The following ALDOA variants were observed in gnomAD, a reference collection of about 807,000 sequenced individuals.
ALDOA encodes the protein fructose-bisphosphate aldolase A.
A neutral mutation model predicts 43.9 loss-of-function variants in ALDOA; 26 were observed. The observed-to-expected ratio is 0.59, with a 90% confidence interval of 0.43 to 0.82. The LOEUF (loss-of-function observed/expected upper bound fraction) is 0.82, where lower values mean the gene tolerates loss of function less well. ALDOA is among the 40% of genes least tolerant of loss of function. ALDOA has a pLI of 0.00. For synonymous variants in ALDOA, 258 were observed against 222.6 expected (o/e 1.16, Z -1.42); for missense variants, 498 against 549.5 (o/e 0.91, Z 0.94).
intron 1 of ALDOA, among the ~76,000 whole-genome samples, chr16:30,066,530 C>T (rs1192876505): frequency 6.6e-6 from 1 of 152,228 alleles, no homozygotes; most frequent in Non-Finnish European, 1.5e-5. Flanking sequence ...TTCCTCGCCT[C>T]GGGCTAGGGC....
At chr16:30,068,285 C>T (rs919110069) in intron 4 of ALDOA, 14 of 352,514 alleles carry the variant, frequency 4.0e-5, no homozygotes, top group African/African-American at 2.4e-4. Context: ...AGGATGGTCT[C>T]GATCTCCTGA....
upstream of ALDOA, among the ~76,000 whole-genome samples, chr16:30,065,145 G>A (rs1474568600): frequency 6.6e-6 from 1 of 152,234 alleles, no homozygotes; most frequent in Non-Finnish European, 1.5e-5. Flanking sequence ...GGATGGGGAG[G>A]TCTCGCCTCC....
In ALDOA at chr16:30,070,339, G is replaced by T. The variant is rs1395638761; in HGVS notation, c.*127G>T. The T allele has an allele frequency of 1.2e-6, 1 of 833,450 alleles. No individual in the cohort carries two copies. Among genetic ancestry groups the T allele is most frequent in the Non-Finnish European group, 2.0e-6 (1 of 498,846 alleles). 51.6% of individuals were successfully genotyped at this position (833,450 alleles called of 1,614,324 possible). A position where few individuals can be genotyped will look rare whatever the true frequency, so the allele number is the denominator to read the frequency against. ...CTCTTTCTTCCCTCGTGACAGTGGT[G>T]TGTGGTGTCGTCTGTGAATGCTAAG... On this transcript the variant is annotated 3_prime_UTR_variant, in exon 10 of 10. Coordinates refer to ENST00000642816, the MANE Select transcript of ALDOA (RefSeq NM_001243177.4).
In ALDOA at chr16:30,069,448, C is replaced by A. The variant is rs189419268; in HGVS notation, c.787-51C>A. 4.0e-4 allele frequency: 641 copies of A among 1,613,972 alleles called. 2 individuals carry two copies. In the African/African-American group the frequency reaches 7.4e-3, roughly 19 times the overall value. On this transcript the variant is annotated intron_variant, in intron 7 of 9. Coordinates refer to ENST00000642816, the MANE Select transcript of ALDOA (RefSeq NM_001243177.4). ...GCTGGCCGGGGACCCTGGGGCTAACCCCTATCCTCTCCTCCACCCCACTAC... is the reference window on the plus strand; with the variant it reads ...GCTGGCCGGGGACCCTGGGGCTAACACCTATCCTCTCCTCCACCCCACTAC...
chr16:30,064,588 G>A (rs114148986), upstream of ALDOA: 510 of 398,456 alleles, frequency 1.3e-3, 2 homozygotes, highest in African/African-American at 9.1e-3. Flanking sequence ...CCCCACGATA[G>A]TGTGAATGTC....
upstream of ALDOA, among the ~76,000 whole-genome samples, chr16:30,065,380 GGC>G (rs1054572442): frequency 6.6e-6 from 1 of 152,082 alleles, no homozygotes; most frequent in Non-Finnish European, 1.5e-5. Flanking sequence ...GCGCGCGCTG[GGC>G]CTGGGAGGCG....
intron 4 of ALDOA, chr16:30,068,062 ATTTTT>A (rs71143773): frequency 2.0e-4 from 35 of 176,810 alleles, no homozygotes; most frequent in East Asian, 7.8e-4. Flanking sequence ...TTTTAAGTAA[ATTTTT>A]TTTTTTTTTT....
At chr16:30,064,765 C>T (rs536199484), upstream of ALDOA, 29 of 291,168 alleles carry the variant, frequency 1.0e-4, no homozygotes, top group African/African-American at 6.1e-4. Flanking sequence ...GCTCTGCCGG[C>T]TCCTTCGGCC....
chr16:30,066,832 C>A, intron 1 of ALDOA, 53 bp from the exon 2 acceptor site: 2 of 1,518,418 alleles, frequency 1.3e-6, no homozygotes, highest in Non-Finnish European at 1.8e-6. Context: ...GGGCCCTCTG[C>A]TTGATTCACG....
chr16:30,064,578 C>T, upstream of ALDOA: 1 of 398,592 alleles, frequency 2.5e-6, no homozygotes, highest in Non-Finnish European at 4.4e-6. Context: ...CCATGCCGGG[C>T]CCCACGATAG....
At position 30,067,213 on chromosome 16, in the gene ALDOA, C is replaced by T. The variant is rs1033625708; in HGVS notation, c.142-21C>T. ...GGAAACCCTAGCTAACTAGTCCTTC[C>T]CCTCTGTTTCCTGTATCCAGGAACT... is the stretch of plus-strand genomic sequence containing the variant. On this transcript the variant is annotated intron_variant, in intron 2 of 9. Transcript: ENST00000642816. 15 of 1,611,992 alleles carry T rather than the reference C, an allele frequency of 9.3e-6. No individual in the cohort carries two copies. In the African/African-American group the frequency reaches 1.1e-4, roughly 11 times the overall value.
rs1304593995 is a variant in ALDOA at position 30,070,151 on chromosome 16, C to G, written c.1196C>G (p.Pro399Arg). 2.5e-6 allele frequency: 4 copies of G among 1,613,982 alleles called. No individual in the cohort carries two copies. The highest frequency in any genetic ancestry group is 1.3e-5 in the African/African-American group (1 of 74,908). Residue 399 changes from proline to arginine, a missense_variant, in exon 10 of 10, where the codon CCG becomes CGG. By Grantham distance (103) the Pro-to-Arg change is moderately radical. Coordinates refer to ENST00000642816, the MANE Select transcript of ALDOA (RefSeq NM_001243177.4). ...CTTGCCTGTCAAGGAAAGTACACTC[C>G]GAGCGGTCAGGCTGGGGCTGCTGCC... ...NSLACQGKYT[P>R]SGQAGAAASE...
At position 30,066,984 on chromosome 16, in the gene ALDOA, T is replaced by C; in HGVS notation, c.87T>C (p.Ser29=). The change falls in exon 2 of 10, where the codon AGT becomes AGC. Residue 29 remains serine (S), a synonymous_variant. Coordinates refer to ENST00000642816, the MANE Select transcript of ALDOA (RefSeq NM_001243177.4). ...AMAFSFPPVA[S]GQLHPQLGNT... ...CCTTTTCCTTTCCCCCAGTTGCCAG[T>C]GGGCAACTCCACCCTCAGCTGGGCA... is the stretch of plus-strand genomic sequence containing the variant. 1.3e-6 allele frequency: 2 copies of C among 1,558,656 alleles called. No homozygotes were observed. The highest frequency in any genetic ancestry group is 1.7e-6 in the Non-Finnish European group (2 of 1,151,982).
chr16:30,067,708 A>G (rs1461424268), intron 4 of ALDOA, 47 bp downstream of exon 4: 3 of 1,608,512 alleles, frequency 1.9e-6, no homozygotes, highest in African/African-American at 2.7e-5. Context: ...GAAGTGGAGG[A>G]AGGAAATCCA....
intron 6 of ALDOA, 159 bp from the exon 7 acceptor site, chr16:30,069,147 G>T: frequency 7.5e-7 from 1 of 1,331,720 alleles, no homozygotes; most frequent in East Asian, 2.5e-5. Context: ...GAGGGATGGT[G>T]GGTGGATCTG....
chr16:30,069,527 G>A lies in ALDOA; in HGVS notation c.815G>A (p.Ser272Asn). Residue 272 changes from serine (S) to asparagine (N), a missense_variant, in exon 8 of 10, where the codon AGT becomes AAT. Coordinates refer to ENST00000642816, the MANE Select transcript of ALDOA (RefSeq NM_001243177.4). ...KVLAAVYKAL[S>N]DHHIYLEGTL... The stretch of plus-strand genomic sequence containing the variant: ...CTGGCTGCTGTCTACAAGGCTCTGA[G>A]TGACCACCACATCTACCTGGAAGGC... 6.2e-7 allele frequency: 1 copy of A among 1,614,088 alleles called. No individual in the cohort carries two copies. The highest frequency in any genetic ancestry group is 1.1e-5 in the South Asian group (1 of 91,082).
rs1443908660 is a variant in ALDOA at position 30,067,643 on chromosome 16, C to T, written c.468C>T (p.Gly156=). Residue 156 remains glycine (G), a synonymous_variant, in exon 4 of 10, where the codon GGC becomes GGT. Coordinates refer to ENST00000642816, the MANE Select transcript of ALDOA (RefSeq NM_001243177.4). ...TCCCCCAAGTTATCAAATCCAAGGG[C>T]GGTGTTGTGGGCATCAAGGTAAGGG... ...RPFPQVIKSK[G]GVVGIKVDKG... 5.0e-6 allele frequency: 8 copies of T among 1,613,930 alleles called. No individual in the cohort carries two copies. The highest frequency in any genetic ancestry group is 4.5e-5 in the East Asian group (2 of 44,888).
chr16:30,070,185 C>T lies in ALDOA; in HGVS notation c.1230C>T (p.Ser410=), dbSNP rs2072276775. The change falls in exon 10 of 10, where the codon TCC becomes TCT. Residue 410 remains serine (S), a synonymous_variant. Transcript: ENST00000642816. ...AGGCTGGGGCTGCTGCCAGCGAGTCCCTCTTCGTCTCTAACCACGCCTATT... is the reference window on the plus strand; with the variant it reads ...AGGCTGGGGCTGCTGCCAGCGAGTCTCTCTTCGTCTCTAACCACGCCTATT... ...SGQAGAAASE[S]LFVSNHAY is the part of the protein sequence containing the mutation. The T allele has an allele frequency of 5.6e-6, 9 of 1,614,108 alleles. No homozygotes were observed. The highest frequency in any genetic ancestry group is 6.8e-6 in the Non-Finnish European group (8 of 1,180,038).
rs899035994 is a variant in ALDOA at position 30,066,792 on chromosome 16, C to T, written c.-13-93C>T. The T allele has an allele frequency of 1.4e-5, 19 of 1,393,982 alleles. No individual in the cohort carries two copies. In the African/African-American group the frequency reaches 2.3e-4, roughly 17 times the overall value. 86.4% of individuals were successfully genotyped at this position (1,393,982 alleles called of 1,614,324 possible). A position where few individuals can be genotyped will look rare whatever the true frequency, so the allele number is the denominator to read the frequency against. On this transcript the variant is annotated intron_variant, in intron 1 of 9. Coordinates refer to ENST00000642816, the MANE Select transcript of ALDOA (RefSeq NM_001243177.4). The stretch of plus-strand genomic sequence containing the variant: ...TGTGGCTTGAAGCACAGACCTTTCC[C>T]ATATCTGGGCCCTTTCCCACGAGGG...
Sources: allele counts gnomAD v4.1 joint callset (sites outside exome capture counted in the v4.1 genomes callset), GRCh38; gene constraint gnomAD v4.1.1; transcripts MANE v1.5; gene names NCBI Gene and HGNC (gene_info 2026-07-23, HGNC 2026-07-21).